HEATR4: variants seen among roughly 807,000 people sequenced by gnomAD.
HEATR4 encodes the protein HEAT repeat-containing protein 4.
Under a neutral mutation model 108.8 loss-of-function variants are expected in HEATR4, and 95 were observed. The ratio of observed to expected loss-of-function variants is 0.87; its 90% CI spans 0.74 to 1.04. The LOEUF (loss-of-function observed/expected upper bound fraction) is 1.04. Ranked by LOEUF, HEATR4 falls within the 50% of genes least tolerant of loss-of-function variation. The pLI is 0.00. For synonymous variants in HEATR4, 443 were observed against 459.4 expected, an observed-to-expected ratio of 0.96 and a Z score of 0.46; for missense variants, 1,152 against 1,253.8, an observed-to-expected ratio of 0.92 and a Z score of 1.23.
At chr14:73,491,044 G>C in intron 17 of HEATR4, 3 of 1,586,798 alleles carry the variant, frequency 1.9e-6, no homozygotes, top group Non-Finnish European at 2.6e-6. Flanking sequence ...CCAGTGCAGG[G>C]CCGTTGAGGC....
chr14:73,623,850 T>C, the HEATR4 span, among the ~76,000 whole-genome samples: 1 of 152,062 alleles, frequency 6.6e-6, no homozygotes, highest in Non-Finnish European at 1.5e-5. Flanking sequence ...CCTTCCCCTC[T>C]TTCCTGCTTC....
chr14:73,591,847 G>C, the HEATR4 span: 15 of 1,080,150 alleles, frequency 1.4e-5, no homozygotes, highest in South Asian at 2.8e-5. Context: ...CTCAGCCACC[G>C]GCAGCTTCCG....
At chr14:73,500,787 C>T in intron 11 of HEATR4, 57 bp from the exon 12 acceptor site, 1 of 1,518,216 alleles carries the variant, frequency 6.6e-7, no homozygotes, top group Non-Finnish European at 9.1e-7. Context: ...ACCTAACCCC[C>T]AACCCCCACT....
At chr14:73,610,381 C>T in the HEATR4 span, among the ~76,000 whole-genome samples, 1 of 151,420 alleles carries the variant, frequency 6.6e-6, no homozygotes, top group African/African-American at 2.4e-5. Flanking sequence ...ATCACCACCT[C>T]CCGGGTTCAA....
chr14:73,504,620 A>G (rs1374679121), intron 10 of HEATR4, among the ~76,000 whole-genome samples: 1 of 152,116 alleles, frequency 6.6e-6, no homozygotes, highest in Non-Finnish European at 1.5e-5. Context: ...GTGCTATAGC[A>G]CTTGAGACAG....
chr14:73,614,213 C>A, the HEATR4 span, among the ~76,000 whole-genome samples: 5 of 151,816 alleles, frequency 3.3e-5, no homozygotes, highest in Non-Finnish European at 5.9e-5. Context: ...ACAACAACAA[C>A]AACAACAAAT....
the HEATR4 span, among the ~76,000 whole-genome samples, chr14:73,604,395 C>T: frequency 6.6e-6 from 1 of 151,636 alleles, no homozygotes; most frequent in Admixed American, 6.6e-5. Context: ...AAACTCCTGA[C>T]CTCAAGTCAT....
chr14:73,519,542 G>A (rs1055593360), intron 4 of HEATR4, among the ~76,000 whole-genome samples: 4 of 151,902 alleles, frequency 2.6e-5, no homozygotes, highest in African/African-American at 7.3e-5. Flanking sequence ...TCAGGAGTTC[G>A]AGACCAGCCT....
the HEATR4 span, chr14:73,595,662 G>A: frequency 2.6e-6 from 4 of 1,514,198 alleles, no homozygotes; most frequent in Admixed American, 6.7e-5. Context: ...TAATGCATTT[G>A]TCTGTTGTTG....
rs375209113 is a variant in HEATR4, at chr14:73,487,083, T to C, written c.2844+5983A>G. Among the ~76,000 whole-genome samples, 43 of 147,040 alleles carry C rather than the reference T, an allele frequency of 2.9e-4. 2 individuals are homozygous for C. Among genetic ancestry groups the C allele is most frequent in the Admixed American group, 1.7e-3 (24 of 14,406 alleles). Reference sequence around the variant, plus strand: ...GAGATGGAGACCATCCTGGCTAACATGGTGAAACCCCGTCTGTACTAAAAA... The same window carrying C: ...GAGATGGAGACCATCCTGGCTAACACGGTGAAACCCCGTCTGTACTAAAAA... On this transcript the variant is annotated intron_variant, in intron 17 of 17. Transcript: ENST00000553558.
chr14:73,493,203 A>G (rs758270104), intron 16 of HEATR4, 79 bp from the exon 17 acceptor site: 20 of 1,153,216 alleles, frequency 1.7e-5, no homozygotes, highest in Non-Finnish European at 2.6e-5. Context: ...CACCAACTTC[A>G]TCACCTTCAG....
chr14:73,491,547 G>T, intron 17 of HEATR4: 1 of 1,534,492 alleles, frequency 6.5e-7, no homozygotes, highest in Non-Finnish European at 8.7e-7. Context: ...AACACGGGTG[G>T]GGAGCCGGCC....
chr14:73,506,802 C>CTTTTTTTTT (rs1470976246), intron 9 of HEATR4, among the ~76,000 whole-genome samples: 5 of 58,016 alleles, frequency 8.6e-5, no homozygotes, highest in African/African-American at 3.1e-4. Context: ...CTGACTTTAA[C>CTTTTTTTTT]TGTTTTTTTT....
the HEATR4 span, chr14:73,582,870 T>G: frequency 6.6e-6 from 1 of 152,148 alleles, no homozygotes; most frequent in Admixed American, 6.6e-5. Context: ...ATTCTGCATG[T>G]AACTTCCAAA....
In HEATR4 at chr14:73,483,038, A is replaced by G. The variant is rs1885315552; in HGVS notation, c.2845-4196T>C. On this transcript the variant is annotated intron_variant, in intron 17 of 17. Coordinates refer to ENST00000553558, the MANE Select transcript of HEATR4 (RefSeq NM_001220484.1). Reference sequence around the variant, plus strand: ...GGATCTAGGAAGGAATACGGACTGCATGTAGCAAGAGAACCAAATGTATAG... The same window carrying G: ...GGATCTAGGAAGGAATACGGACTGCGTGTAGCAAGAGAACCAAATGTATAG... Among the ~76,000 whole-genome samples the G allele has an allele frequency of 2.0e-5, 3 of 152,364 alleles. No homozygotes were observed. The South Asian group carries it at 6.2e-4, about 32-fold the overall frequency.
chr14:73,484,168 G>A (rs1030777019), intron 17 of HEATR4, among the ~76,000 whole-genome samples: 2 of 151,350 alleles, frequency 1.3e-5, no homozygotes, highest in Non-Finnish European at 2.9e-5. Flanking sequence ...CATTTTAGAT[G>A]TCAATTTAAG....
At chr14:73,570,396 C>T in the HEATR4 span, among the ~76,000 whole-genome samples, 1 of 151,738 alleles carries the variant, frequency 6.6e-6, no homozygotes, top group African/African-American at 2.4e-5. Flanking sequence ...GGTGAAACCC[C>T]GTCTCTACTA....
chr14:73,527,501 G>C (rs1015519291), intron 2 of HEATR4: 6 of 151,278 alleles, frequency 4.0e-5, no homozygotes, highest in African/African-American at 1.5e-4. Context: ...CTATGGAGTA[G>C]CCATTCTTTT....
chr14:73,558,513 ATTTTT>A (rs66706377), intron 1 of HEATR4, among the ~76,000 whole-genome samples: 1 of 73,522 alleles, frequency 1.4e-5, no homozygotes, highest in African/African-American at 5.8e-5. Flanking sequence ...TCTCGGTTAA[ATTTTT>A]TTTTTTTTTT....
Sources: gnomAD v4.1 joint callset for allele counts (sites outside exome capture counted in the v4.1 genomes callset) on GRCh38, gnomAD v4.1.1 for gene constraint, MANE v1.5 for transcripts, NCBI Gene and HGNC (gene_info 2026-07-23, HGNC 2026-07-21) for gene names.